PCLO: variants seen among roughly 807,000 people sequenced by gnomAD.
PCLO encodes protein piccolo.
In PCLO, 82 loss-of-function variants were observed where a neutral mutation model predicts 427.5. That is an observed-to-expected ratio of 0.19 (90% confidence interval 0.16 to 0.23). The LOEUF is 0.23. Among genes scored for constraint, PCLO ranks in the 10% least tolerant of loss-of-function variants. The pLI is 1.00. For synonymous variants in PCLO, 2,357 were observed against 2,155.4 expected, an observed-to-expected ratio of 1.09 and a Z score of -2.59; for missense variants, 6,239 against 6,115.9, an observed-to-expected ratio of 1.02 and a Z score of -0.67.
intron 10 of PCLO, among the ~76,000 whole-genome samples, chr7:82,873,825 G>C (rs1793300667): frequency 6.6e-6 from 1 of 151,424 alleles, no homozygotes; most frequent in Non-Finnish European, 1.5e-5. Flanking sequence ...GATTGGGGGG[G>C]TGGTTTCTGT....
At chr7:82,985,160 A>G (rs561966912) in intron 3 of PCLO, among the ~76,000 whole-genome samples, 2 of 152,122 alleles carry the variant, frequency 1.3e-5, no homozygotes, top group Admixed American at 6.6e-5. Context: ...AATGTCCTCA[A>G]TAAAGGCTGA....
chr7:83,061,390 T>C (rs1789539807), intron 3 of PCLO, among the ~76,000 whole-genome samples: 1 of 152,190 alleles, frequency 6.6e-6, no homozygotes, highest in African/African-American at 2.4e-5. Context: ...GTCTACCTGA[T>C]TAGGTTTGGA....
chr7:83,111,811 G>GA (rs1456399153), intron 3 of PCLO, among the ~76,000 whole-genome samples: 13 of 152,120 alleles, frequency 8.5e-5, no homozygotes, highest in African/African-American at 2.7e-4. Flanking sequence ...CATTGTTGCA[G>GA]AAAAAATTTA....
At chr7:82,874,200 TTA>T (rs1210612260) in intron 10 of PCLO, among the ~76,000 whole-genome samples, 1 of 152,106 alleles carries the variant, frequency 6.6e-6, no homozygotes, top group African/African-American at 2.4e-5. Flanking sequence ...ACTTATTTCT[TTA>T]TATATTGCTT....
chr7:82,800,322 T>G (rs2129468636), intron 22 of PCLO, among the ~76,000 whole-genome samples: 1 of 152,302 alleles, frequency 6.6e-6, no homozygotes, highest in African/African-American at 2.4e-5. Context: ...AACCTAAACC[T>G]GTTTCCCTAT....
chr7:83,136,285 C>A (rs1297765703), intron 2 of PCLO, among the ~76,000 whole-genome samples: 1 of 151,876 alleles, frequency 6.6e-6, no homozygotes, highest in Non-Finnish European at 1.5e-5. Context: ...TAAGAAAAAG[C>A]AAGTTTTATG....
chr7:83,125,089 G>A (rs1174120626), intron 3 of PCLO, among the ~76,000 whole-genome samples: 1 of 151,264 alleles, frequency 6.6e-6, no homozygotes, highest in Non-Finnish European at 1.5e-5. Flanking sequence ...GCAGTGGCGT[G>A]ATCTCGGCTC....
chr7:82,879,203 C>T, intron 10 of PCLO, 134 bp downstream of exon 10: 1 of 619,742 alleles, frequency 1.6e-6, no homozygotes, highest in South Asian at 4.1e-5. Flanking sequence ...ATTACTATAC[C>T]AAAATTTCAC....
chr7:82,902,425 G>T (rs1794066448), intron 9 of PCLO, among the ~76,000 whole-genome samples: 1 of 151,804 alleles, frequency 6.6e-6, no homozygotes, highest in Non-Finnish European at 1.5e-5. Flanking sequence ...GGGGCCTGTT[G>T]TGGGGTGAGG....
chr7:82,891,220 C>T (rs1793757130), intron 9 of PCLO, among the ~76,000 whole-genome samples: 1 of 152,008 alleles, frequency 6.6e-6, no homozygotes, highest in South Asian at 2.1e-4. Context: ...AATGGAAAGT[C>T]TGATTAGCTA....
intron 3 of PCLO, among the ~76,000 whole-genome samples, chr7:82,989,521 A>T: frequency 6.6e-6 from 1 of 152,244 alleles, no homozygotes; most frequent in Middle Eastern, 3.5e-3. Flanking sequence ...ATTTACTCAA[A>T]TGAAATATGG....
chr7:82,870,337 C>T (rs1472462295), intron 10 of PCLO, among the ~76,000 whole-genome samples: 1 of 151,844 alleles, frequency 6.6e-6, no homozygotes, highest in East Asian at 1.9e-4. Context: ...TATACGCTGG[C>T]AAAAGGATAG....
intron 6 of PCLO, among the ~76,000 whole-genome samples, chr7:82,925,069 C>T (rs1794682429): frequency 6.6e-6 from 1 of 152,072 alleles, no homozygotes; most frequent in African/African-American, 2.4e-5. Context: ...ACTTTGAATA[C>T]AAGAATAAGC....
chr7:82,782,116 T>G (rs1031168176), intron 22 of PCLO, among the ~76,000 whole-genome samples: 7 of 152,168 alleles, frequency 4.6e-5, no homozygotes, highest in Non-Finnish European at 1.0e-4. Context: ...ACAATACTTG[T>G]GTGTATTGGG....
chr7:82,793,288 C>A (rs374582752), intron 22 of PCLO, among the ~76,000 whole-genome samples: 1 of 152,106 alleles, frequency 6.6e-6, no homozygotes, highest in Non-Finnish European at 1.5e-5. Context: ...ACCTTCCCAC[C>A]TGGGGTTTTT....
At chr7:82,984,892 A>C (rs187269445) in intron 3 of PCLO, among the ~76,000 whole-genome samples, 2 of 152,130 alleles carry the variant, frequency 1.3e-5, no homozygotes, top group East Asian at 3.9e-4. Context: ...ATCCTTGAGT[A>C]GGCAATGTAT....
chr7:82,818,907 G>A (rs1048370430), intron 20 of PCLO, among the ~76,000 whole-genome samples: 7 of 152,180 alleles, frequency 4.6e-5, no homozygotes, highest in Non-Finnish European at 1.0e-4. Context: ...GAACTCCATT[G>A]TGAGGTTTGA....
At position 82,822,693 on chromosome 7, in the gene PCLO, G is replaced by C; in HGVS notation, c.14597-4C>G. ...TCAATGGTGGGAACCTGCATGTCTGGTCACAAAAGGGTAAAACATGAGTTA... is the reference window on the plus strand; with the variant it reads ...TCAATGGTGGGAACCTGCATGTCTGCTCACAAAAGGGTAAAACATGAGTTA... On this transcript the variant is annotated splice_polypyrimidine_tract_variant and splice_region_variant and intron_variant, in intron 19 of 24. Transcript: ENST00000333891. 10 of 1,611,542 alleles carry C rather than the reference G, an allele frequency of 6.2e-6. No individual in the cohort carries two copies. Among genetic ancestry groups the C allele is most frequent in the Non-Finnish European group, 8.5e-6 (10 of 1,179,072 alleles).
chr7:82,843,644 T>A (rs1792423807), intron 13 of PCLO, among the ~76,000 whole-genome samples: 1 of 151,290 alleles, frequency 6.6e-6, no homozygotes, highest in African/African-American at 2.4e-5. Flanking sequence ...TAGCTCAATG[T>A]AGCCATTCCA....
Sources: allele counts gnomAD v4.1 joint callset (sites outside exome capture counted in the v4.1 genomes callset), GRCh38; gene constraint gnomAD v4.1.1; transcripts MANE v1.5; gene names NCBI Gene and HGNC (gene_info 2026-07-23, HGNC 2026-07-21).